Variants in PDZD2 observed in about 807,000 individuals in gnomAD.
The protein encoded by PDZD2 is PDZ domain-containing protein 2.
In PDZD2, 90 loss-of-function variants were observed where a neutral mutation model predicts 220.7. That is an observed-to-expected ratio of 0.41 (90% CI 0.34 to 0.49). The LOEUF is 0.49. PDZD2 is among the 20% of genes least tolerant of loss of function. The pLI is 0.28. For synonymous variants in PDZD2, 1,375 were observed against 1,450.5 expected (o/e 0.95, Z 1.18); for missense variants, 3,174 against 3,608.5 (o/e 0.88, Z 3.08).
At chr5:31,836,225 T>G (rs1484050592) in intron 2 of PDZD2, among the ~76,000 whole-genome samples, 2 of 106,904 alleles carry the variant, frequency 1.9e-5, no homozygotes, top group African/African-American at 6.9e-5. Context: ...GTAATTTTAT[T>G]GGCTTTTTTT....
chr5:31,857,755 A>T (rs997045376), intron 2 of PDZD2, among the ~76,000 whole-genome samples: 1 of 152,042 alleles, frequency 6.6e-6, no homozygotes, highest in Non-Finnish European at 1.5e-5. Context: ...GGGCTTTCTC[A>T]ATCTAGAAAC....
In PDZD2 at chr5:32,098,892, C is replaced by T. The variant is rs1204680438; in HGVS notation, c.8218+258C>T. Among the ~76,000 whole-genome samples the T allele has an allele frequency of 1.3e-5, 2 of 152,176 alleles. No individual in the cohort carries two copies. Among genetic ancestry groups the T allele is most frequent in the African/African-American group, 4.8e-5 (2 of 41,448 alleles). Reference sequence around the variant, plus strand: ...TTAAAATGACTGCAGAACAGTTTCCCTAAGTGTCCTAAGAAGGAATCTCTT... The same window carrying T: ...TTAAAATGACTGCAGAACAGTTTCCTTAAGTGTCCTAAGAAGGAATCTCTT... On this transcript the variant is annotated intron_variant, in intron 23 of 24. Coordinates refer to ENST00000438447, the MANE Select transcript of PDZD2 (RefSeq NM_178140.4). The surrounding 1 kb of genome is among the most constrained non-coding windows in gnomAD (Gnocchi z 4.1).
At chr5:31,940,625 TG>T (rs1326587173) in intron 2 of PDZD2, among the ~76,000 whole-genome samples, 5 of 152,236 alleles carry the variant, frequency 3.3e-5, no homozygotes, top group African/African-American at 4.8e-5. Context: ...GTTTGGGGGT[TG>T]TCAGGTAGCC....
intron 1 of PDZD2, among the ~76,000 whole-genome samples, chr5:31,688,587 G>A (rs561790697): frequency 2.0e-4 from 30 of 152,176 alleles, no homozygotes; most frequent in Non-Finnish European, 4.0e-4. Context: ...ATATGGTGCA[G>A]GCTGCACACA....
chr5:31,692,464 C>T (rs1747183987), intron 1 of PDZD2, among the ~76,000 whole-genome samples: 1 of 152,244 alleles, frequency 6.6e-6, no homozygotes. Flanking sequence ...AGTGGGAGCC[C>T]AGGCAGAGGA....
At chr5:31,989,428 T>TTTTTTTTTTTTTATTTATTTATTTATTTA (rs1561277993) in intron 3 of PDZD2, among the ~76,000 whole-genome samples, 6 of 146,586 alleles carry the variant, frequency 4.1e-5, no homozygotes, top group East Asian at 4.1e-4. Context: ...TTTCTTTTTT[T>TTTTTTTTTTTTTATTTATTTATTTATTTA]TTTTTTTTTT....
rs761638673 is a variant in PDZD2, at chr5:32,089,207, C to T, written c.5759C>T (p.Pro1920Leu). The change falls in exon 20 of 25, where the codon CCC becomes CTC. Residue 1920 changes from proline to leucine, a missense_variant. This residue lies in a region of PDZD2 where 1,861 missense variants were observed against 2,001.0 expected (regional missense o/e 0.93). Transcript: ENST00000438447. Reference protein sequence around the residue: ...GTDHRKPLISPQTSHKTLSKA... With the variant: ...GTDHRKPLISLQTSHKTLSKA... The stretch of plus-strand genomic sequence containing the variant: ...GACCACAGGAAACCCTTGATCTCAC[C>T]CCAGACCTCCCACAAAACACTTTCT... The T allele has an allele frequency of 4.3e-6, 7 of 1,614,000 alleles. No individual in the cohort carries two copies. Among genetic ancestry groups the T allele is most frequent in the African/African-American group, 1.3e-5 (1 of 74,902 alleles).
Position 31,858,411 on chromosome 5 carries a change from A to G in PDZD2, c.476+58687A>G, listed in dbSNP as rs115931636. Among the ~76,000 whole-genome samples, 326 of 152,298 alleles carry G rather than the reference A, an allele frequency of 2.1e-3. 3 individuals are homozygous for G. Among genetic ancestry groups the G allele is most frequent in the Middle Eastern group, 3.4e-3 (1 of 294 alleles). ...TAGTACAGCTATGATAGTGAAAGAG[A>G]TGTGATCTGACTCCATCTTGCTTCT... On this transcript the variant is annotated intron_variant, in intron 2 of 24. Transcript: ENST00000438447.
At chr5:31,933,301 ATG>A (rs1745463052) in intron 2 of PDZD2, among the ~76,000 whole-genome samples, 1 of 152,150 alleles carries the variant, frequency 6.6e-6, no homozygotes, top group Non-Finnish European at 1.5e-5. Context: ...CATTGTACAT[ATG>A]TATCACATTT....
intron 7 of PDZD2, among the ~76,000 whole-genome samples, chr5:32,044,046 A>C (rs1254861120): frequency 6.6e-6 from 1 of 152,116 alleles, no homozygotes; most frequent in Non-Finnish European, 1.5e-5. Flanking sequence ...AAGGCCTTCT[A>C]GGCTGGGCTT....
chr5:31,913,632 G>A lies in PDZD2; in HGVS notation c.477-69523G>A, dbSNP rs1442216964. ...TCGTCATGGCTCTTGCTGCCAGTGT[G>A]GGTTTCTGTCTTTCTTAGTGTGGTA... On this transcript the variant is annotated intron_variant, in intron 2 of 24. Transcript: ENST00000438447. Among the ~76,000 whole-genome samples, 4 of 152,124 alleles carry A rather than the reference G, an allele frequency of 2.6e-5. No homozygotes were observed. The East Asian group carries it at 7.7e-4, about 29-fold the overall frequency.
At chr5:32,035,380 C>T (rs10805567) in intron 6 of PDZD2, among the ~76,000 whole-genome samples, 75,323 of 151,850 alleles carry the variant, frequency 0.5, 19,685 homozygotes, top group South Asian at 0.61. Flanking sequence ...CCAGCCTTAG[C>T]CTCCCAAGTA....
At chr5:31,847,436 A>G (rs757489560) in intron 2 of PDZD2, 81 of 548,528 alleles carry the variant, frequency 1.5e-4, no homozygotes, top group Non-Finnish European at 2.1e-4. Context: ...AGTTCGCGTA[A>G]CAGAGATATC....
rs1407747543 is a variant in PDZD2, at chr5:32,074,443, G to A, written c.3337G>A (p.Gly1113Ser). ...CAGTTCCCCCCAGCAGAAAAGTGAA[G>A]GCCTGGGCTCCAGGCACAGACCAGT... ...SPSSPQQKSEGLGSRHRPVAR... is the reference protein window; with the variant it reads ...SPSSPQQKSESLGSRHRPVAR... Residue 1113 changes from glycine (G) to serine (S), a missense_variant, in exon 18 of 25, where the codon GGC (glycine) becomes AGC (serine). By Grantham distance (56) the Gly-to-Ser change is moderately conservative (BLOSUM62 0). Coordinates refer to ENST00000438447, the MANE Select transcript of PDZD2 (RefSeq NM_178140.4). 6.2e-7 allele frequency: 1 copy of A among 1,613,978 alleles called. No homozygotes were observed. The highest frequency in any genetic ancestry group is 1.3e-5 in the African/African-American group (1 of 74,952).
intron 1 of PDZD2, among the ~76,000 whole-genome samples, chr5:31,648,977 C>T (rs541763597): frequency 6.6e-6 from 1 of 152,244 alleles, no homozygotes. Context: ...AGTAGTTTCA[C>T]TGGCCTAAAA....
intron 2 of PDZD2, among the ~76,000 whole-genome samples, chr5:31,856,908 C>CTATATATATATATATATATATA (rs61675053): frequency 1.4e-5 from 2 of 140,626 alleles, no homozygotes; most frequent in African/African-American, 5.1e-5. Flanking sequence ...CTTATCAAAA[C>CTATATATATATATATATATATA]TATATATATA....
chr5:32,054,272 A>G (rs1477577541), intron 10 of PDZD2, among the ~76,000 whole-genome samples: 1 of 150,142 alleles, frequency 6.7e-6, no homozygotes, highest in East Asian at 1.9e-4. Context: ...ATCTTGCTAC[A>G]GAAATCAACC....
intron 1 of PDZD2, among the ~76,000 whole-genome samples, chr5:31,735,604 A>G (rs1194847167): frequency 1.3e-5 from 2 of 152,036 alleles, no homozygotes; most frequent in East Asian, 1.9e-4. Flanking sequence ...GTTCGAGACC[A>G]GCTTGGCAAA....
chr5:31,708,053 T>C (rs1429752202), intron 1 of PDZD2, among the ~76,000 whole-genome samples: 1 of 152,234 alleles, frequency 6.6e-6, no homozygotes, highest in African/African-American at 2.4e-5. Context: ...GCCCTCATTC[T>C]CAAGAGATAC....
Sources: allele counts gnomAD v4.1 joint callset (sites outside exome capture counted in the v4.1 genomes callset), GRCh38; gene constraint gnomAD v4.1.1; regional missense constraint gnomAD v4.1.1; non-coding constraint Gnocchi (gnomAD v3.1); transcripts MANE v1.5; gene names NCBI Gene and HGNC (gene_info 2026-07-23, HGNC 2026-07-21).